The following SYNE2 variants were observed in gnomAD, a reference collection of about 807,000 sequenced individuals.
SYNE2 encodes nesprin-2.
In SYNE2, 431 loss-of-function variants were observed where a neutral mutation model predicts 856.3. The ratio of observed to expected loss-of-function variants is 0.50; its 90% CI spans 0.47 to 0.55. The LOEUF (loss-of-function observed/expected upper bound fraction) is 0.55. SYNE2 is among the 20% of genes least tolerant of loss of function. The probability of loss-of-function intolerance (pLI) is 0.00; values close to 1 mark genes in which losing one functional copy is unlikely to be tolerated. For synonymous variants in SYNE2, 2,923 were observed against 2,872.3 expected (o/e 1.02, Z -0.56); for missense variants, 8,129 against 8,023.2 (o/e 1.01, Z -0.50).
chr14:63,977,414 G>A (rs1444958858), intron 12 of SYNE2, among the ~76,000 whole-genome samples: 2 of 152,026 alleles, frequency 1.3e-5, no homozygotes, highest in Admixed American at 6.6e-5. Context: ...GGGTTTCACC[G>A]TGTCAGCCAG....
rs772278774 is a variant in SYNE2 at position 64,137,817 on chromosome 14, G to A, written c.14677G>A (p.Ala4893Thr). ...QIKRNIGGKH[A>T]RLYQTLNEGK... Reference sequence around the variant, plus strand: ...AAAAAGAAACATTGGTGGAAAACACGCCCGGCTTTACCAAACTCTGAACGA... The same window carrying A: ...AAAAAGAAACATTGGTGGAAAACACACCCGGCTTTACCAAACTCTGAACGA... Residue 4893 changes from alanine to threonine, a missense_variant, in exon 79 of 116, where the codon GCC becomes ACC. Around this residue, in one of 3 missense-constraint regions of SYNE2, gnomAD observed 5,410 missense variants for 5,284.8 expected, o/e 1.02. Coordinates refer to ENST00000555002, the MANE Select transcript of SYNE2 (RefSeq NM_182914.3). 4 of 1,614,106 alleles carry A rather than the reference G, an allele frequency of 2.5e-6. No homozygotes were observed. Among genetic ancestry groups the A allele is most frequent in the Non-Finnish European group, 2.5e-6 (3 of 1,180,010 alleles).
chr14:64,014,490 G>A (rs1052250724), intron 32 of SYNE2, among the ~76,000 whole-genome samples: 1 of 152,028 alleles, frequency 6.6e-6, no homozygotes, highest in East Asian at 1.9e-4. Flanking sequence ...GCCATGGCAC[G>A]ATCTCGGCTC....
At chr14:64,017,448 T>C (rs2096902106) in intron 33 of SYNE2, 147 bp from the exon 34 acceptor site, 1 of 652,336 alleles carries the variant, frequency 1.5e-6, no homozygotes. Context: ...CTACATGATA[T>C]GTTAAAGCAA....
chr14:64,022,072 G>A, intron 37 of SYNE2, 44 bp downstream of exon 37: 1 of 1,578,310 alleles, frequency 6.3e-7, no homozygotes, highest in Non-Finnish European at 8.7e-7. Context: ...GACTCTTGAA[G>A]TATGAATGTA....
chr14:64,010,988 A>T (rs1486097841), intron 32 of SYNE2, among the ~76,000 whole-genome samples: 1 of 152,216 alleles, frequency 6.6e-6, no homozygotes, highest in East Asian at 1.9e-4. Flanking sequence ...TCAGGGTGTT[A>T]AAAGTATGTG....
intron 1 of SYNE2, among the ~76,000 whole-genome samples, chr14:63,805,987 A>C (rs1192032467): frequency 6.6e-6 from 1 of 152,036 alleles, no homozygotes; most frequent in East Asian, 1.9e-4. Flanking sequence ...TCTCTTGTCT[A>C]ATGGCTCTGT....
intron 76 of SYNE2, among the ~76,000 whole-genome samples, chr14:64,131,235 G>A (rs898894478): frequency 6.9e-5 from 10 of 145,378 alleles, no homozygotes; most frequent in Admixed American, 6.8e-4. Context: ...TTTTATAAAC[G>A]TCTCTATGTA....
chr14:64,140,198 G>A (rs2098128717), intron 80 of SYNE2, 125 bp downstream of exon 80: 1 of 895,988 alleles, frequency 1.1e-6, no homozygotes, highest in Non-Finnish European at 1.8e-6. Context: ...TTGGGCGAAT[G>A]GCAGCTGTGT....
intron 1 of SYNE2, among the ~76,000 whole-genome samples, chr14:63,880,976 T>G (rs528072614): frequency 8.3e-4 from 126 of 151,984 alleles, no homozygotes; most frequent in African/African-American, 2.9e-3. Context: ...GCCTCTCGAG[T>G]AGCTGGGATT....
chr14:63,836,352 A>G (rs1337446897), intron 1 of SYNE2, among the ~76,000 whole-genome samples: 1 of 152,106 alleles, frequency 6.6e-6, no homozygotes, highest in African/African-American at 2.4e-5. Context: ...TATTCTCACC[A>G]TTTATGTATT....
intron 67 of SYNE2, 57 bp downstream of exon 67, chr14:64,119,666 C>T: frequency 6.4e-7 from 1 of 1,573,980 alleles, no homozygotes; most frequent in South Asian, 1.1e-5. Context: ...GCAGACCTGC[C>T]AGAAGAGAAC....
intron 100 of SYNE2, chr14:64,208,269 C>A: frequency 2.4e-6 from 1 of 415,654 alleles, no homozygotes. Flanking sequence ...GGCATCCACA[C>A]TGCTGCATGC....
chr14:64,142,104 G>A lies in SYNE2; in HGVS notation c.15306+16G>A. 1 of 1,613,882 alleles carries A rather than the reference G, an allele frequency of 6.2e-7. No homozygotes were observed. Among genetic ancestry groups the A allele is most frequent in the Non-Finnish European group, 8.5e-7 (1 of 1,179,870 alleles). On this transcript the variant is annotated intron_variant, in intron 82 of 115. Transcript: ENST00000555002. Reference sequence around the variant, plus strand: ...GAAGCACAAGGTAATTATGCAAAAGGAGCAGAAGTCTTTTCATTGAAACAA... The same window carrying A: ...GAAGCACAAGGTAATTATGCAAAAGAAGCAGAAGTCTTTTCATTGAAACAA...
At chr14:63,872,915 A>G (rs77162788) in intron 1 of SYNE2, among the ~76,000 whole-genome samples, 9,107 of 152,192 alleles carry the variant, frequency 0.06, 430 homozygotes, top group Non-Finnish European at 0.092. Context: ...TTCATTGTTT[A>G]ATATTCCATT....
At chr14:64,179,876 T>C (rs944711729) in intron 96 of SYNE2, among the ~76,000 whole-genome samples, 3 of 152,210 alleles carry the variant, frequency 2.0e-5, no homozygotes, top group South Asian at 2.1e-4. Flanking sequence ...ACAAAAGATA[T>C]TTTGTTAATG....
At chr14:64,202,021 T>C (rs1421136364) in intron 99 of SYNE2, among the ~76,000 whole-genome samples, 1 of 152,210 alleles carries the variant, frequency 6.6e-6, no homozygotes, top group Non-Finnish European at 1.5e-5. Flanking sequence ...TCACGTCCCC[T>C]TGACAGCATG....
At chr14:64,082,456 G>A (rs988837267) in intron 57 of SYNE2, among the ~76,000 whole-genome samples, 2 of 152,180 alleles carry the variant, frequency 1.3e-5, no homozygotes, top group Non-Finnish European at 2.9e-5. Flanking sequence ...GCCTGCAGCA[G>A]AGTGCAGAGA....
In SYNE2 at chr14:64,140,104, T is replaced by C. The variant is rs376955321; in HGVS notation, c.14976+31T>C. On this transcript the variant is annotated intron_variant, in intron 80 of 115. Transcript: ENST00000555002. ...TTGTAATAGCATATGTTCAGTTAATTACTGGTCAGAAATAAATATCAAGGA... is the reference window on the plus strand; with the variant it reads ...TTGTAATAGCATATGTTCAGTTAATCACTGGTCAGAAATAAATATCAAGGA... 40 of 1,599,372 alleles carry C rather than the reference T, an allele frequency of 2.5e-5. No homozygotes were observed. The African/African-American group carries it at 5.1e-4, about 20-fold the overall frequency.
chr14:63,910,214 G>A (rs2095456881), intron 2 of SYNE2, among the ~76,000 whole-genome samples: 1 of 152,124 alleles, frequency 6.6e-6, no homozygotes, highest in South Asian at 2.1e-4. Context: ...TAGATTCTGA[G>A]TCATTTATGG....
Sources: gnomAD v4.1 joint callset for allele counts (sites outside exome capture counted in the v4.1 genomes callset) on GRCh38, gnomAD v4.1.1 for gene constraint, gnomAD v4.1.1 regional missense constraint, MANE v1.5 for transcripts, NCBI Gene and HGNC (gene_info 2026-07-23, HGNC 2026-07-21) for gene names.